LINGO2: variants seen among roughly 807,000 people sequenced by gnomAD.
The protein encoded by LINGO2 is leucine-rich repeat and immunoglobulin-like domain-containing nogo receptor-interacting protein 2.
In LINGO2, 14 loss-of-function variants were observed where a neutral mutation model predicts 30.6. The observed-to-expected ratio is 0.46, with a 90% CI of 0.30 to 0.72. LINGO2 has a LOEUF of 0.72. LINGO2 is among the 30% of genes least tolerant of loss of function. LINGO2 has a pLI of 0.07. For synonymous variants in LINGO2, 317 were observed against 288.5 expected, an observed-to-expected ratio of 1.10 and a Z score of -1.00; for missense variants, 729 against 751.7, an observed-to-expected ratio of 0.97 and a Z score of 0.35.
intron 1 of LINGO2, among the ~76,000 whole-genome samples, chr9:28,550,472 C>T (rs1435745360): frequency 1.3e-5 from 2 of 151,648 alleles, no homozygotes; most frequent in East Asian, 3.9e-4. Context: ...TCCAAGCATG[C>T]CTTCTTTTGT....
At chr9:28,124,289 T>G (rs1484587384) in intron 4 of LINGO2, among the ~76,000 whole-genome samples, 1 of 152,232 alleles carries the variant, frequency 6.6e-6, no homozygotes, top group African/African-American at 2.4e-5. Context: ...GAAGTTAACA[T>G]GTTAAAATCA....
the LINGO2 span, among the ~76,000 whole-genome samples, chr9:28,756,231 T>G: frequency 6.6e-6 from 1 of 152,154 alleles, no homozygotes; most frequent in Admixed American, 6.5e-5. Flanking sequence ...TTTGGAGCTG[T>G]AAGATTTAAT....
the LINGO2 span, among the ~76,000 whole-genome samples, chr9:28,797,351 T>TAG: frequency 7.6e-3 from 475 of 62,332 alleles, 1 homozygote; most frequent in African/African-American, 0.018. Context: ...TATATATATA[T>TAG]ATATATATAG....
chr9:28,837,579 A>G, the LINGO2 span, among the ~76,000 whole-genome samples: 1 of 147,456 alleles, frequency 6.8e-6, no homozygotes, highest in Non-Finnish European at 1.5e-5. Flanking sequence ...CCCAAGAGGC[A>G]GAGGTTGTGG....
In LINGO2 at chr9:28,590,572, G is replaced by T. The variant is rs540954574; in HGVS notation, c.-365+79628C>A. 3.3e-5 allele frequency among the ~76,000 whole-genome samples: 5 copies of T among 152,130 alleles called. No individual in the cohort carries two copies. The South Asian group carries it at 1.0e-3, about 32-fold the overall frequency. On this transcript the variant is annotated intron_variant, in intron 1 of 5. Coordinates refer to ENST00000379992, the Ensembl canonical transcript of LINGO2. ...ACATGAAAAAATGCTCATCATCACT[G>T]GCCATCAGAGAAATGCAAATCAAAA...
the LINGO2 span, among the ~76,000 whole-genome samples, chr9:29,146,790 T>C: frequency 2.6e-5 from 4 of 152,126 alleles, no homozygotes; most frequent in African/African-American, 9.7e-5. Context: ...AAAGACAAAG[T>C]GGCAGAAAAC....
chr9:29,139,709 A>C, the LINGO2 span, among the ~76,000 whole-genome samples: 1 of 152,156 alleles, frequency 6.6e-6, no homozygotes, highest in Non-Finnish European at 1.5e-5. Context: ...GTCAGAGTTC[A>C]TCCCCCTTCA....
At chr9:28,664,740 A>G (rs752160772) in intron 1 of LINGO2, among the ~76,000 whole-genome samples, 7 of 151,900 alleles carry the variant, frequency 4.6e-5, no homozygotes, top group Non-Finnish European at 7.4e-5. Flanking sequence ...TTTCTGCAGT[A>G]ATTATACAGA....
intron 2 of LINGO2, among the ~76,000 whole-genome samples, chr9:28,471,388 C>G (rs1825512987): frequency 6.6e-6 from 1 of 152,172 alleles, no homozygotes; most frequent in South Asian, 2.1e-4. Flanking sequence ...GGTAAATTAT[C>G]CAGTCACTTG....
At chr9:28,470,239 TA>T (rs1198563172) in intron 2 of LINGO2, among the ~76,000 whole-genome samples, 2 of 152,192 alleles carry the variant, frequency 1.3e-5, no homozygotes, top group Non-Finnish European at 2.9e-5. Flanking sequence ...GTTAAAGTTG[TA>T]AATTTGTTGT....
At chr9:29,163,498 T>C in the LINGO2 span, among the ~76,000 whole-genome samples, 1 of 152,200 alleles carries the variant, frequency 6.6e-6, no homozygotes, top group Non-Finnish European at 1.5e-5. Flanking sequence ...AACATGCTCA[T>C]GATTGATTCT....
chr9:27,977,394 A>G (rs181104354), intron 5 of LINGO2, among the ~76,000 whole-genome samples: 2 of 152,042 alleles, frequency 1.3e-5, no homozygotes, highest in South Asian at 2.1e-4. Flanking sequence ...AGGGCACTAA[A>G]GAGTGTGTGT....
At chr9:28,000,165 G>C (rs1050630095) in intron 5 of LINGO2, among the ~76,000 whole-genome samples, 1 of 152,152 alleles carries the variant, frequency 6.6e-6, no homozygotes, top group Non-Finnish European at 1.5e-5. Flanking sequence ...GCTCTATGGA[G>C]GGTATTGTAT....
chr9:27,992,260 T>C (rs16912220), intron 5 of LINGO2, among the ~76,000 whole-genome samples: 7,162 of 152,164 alleles, frequency 0.047, 547 homozygotes, highest in African/African-American at 0.16. Context: ...TTCTAATATT[T>C]GGATACTAAT....
Position 28,054,276 on chromosome 9 carries a change from G to T in LINGO2, c.-86-41871C>A, listed in dbSNP as rs116564143. 6.9e-3 allele frequency among the ~76,000 whole-genome samples: 1,057 copies of T among 152,182 alleles called. 21 individuals carry two copies. Among genetic ancestry groups the T allele is most frequent in the African/African-American group, 0.024 (988 of 41,546 alleles). ...CTCACCTTTTCACTTTTCTTACTCA[G>T]TTCAACCAGCAGGAGCTACAGCTGC... On this transcript the variant is annotated intron_variant, in intron 4 of 5. Transcript: ENST00000379992.
chr9:28,378,696 T>G (rs761121522), intron 2 of LINGO2, among the ~76,000 whole-genome samples: 1 of 152,156 alleles, frequency 6.6e-6, no homozygotes, highest in East Asian at 1.9e-4. Flanking sequence ...ACCTGGAAAC[T>G]TCAGAAAGGC....
chr9:28,574,422 A>T (rs75911176), intron 1 of LINGO2, among the ~76,000 whole-genome samples: 7,234 of 152,198 alleles, frequency 0.048, 190 homozygotes, highest in African/African-American at 0.068. Context: ...GTGTCATTCC[A>T]TCTTGTAAGA....
chr9:28,011,977 T>C (rs1035660037), intron 5 of LINGO2, among the ~76,000 whole-genome samples: 1 of 150,720 alleles, frequency 6.6e-6, no homozygotes, highest in Non-Finnish European at 1.5e-5. Flanking sequence ...GGGTCACTCT[T>C]ATAACCACAG....
At chr9:28,064,749 C>A (rs559579807) in intron 4 of LINGO2, among the ~76,000 whole-genome samples, 1 of 152,076 alleles carries the variant, frequency 6.6e-6, no homozygotes, top group East Asian at 1.9e-4. Flanking sequence ...GGGCTCACTT[C>A]CTAATTAACC....
Sources: gnomAD v4.1 joint callset for allele counts (sites outside exome capture counted in the v4.1 genomes callset) on GRCh38, gnomAD v4.1.1 for gene constraint, MANE v1.5 for transcripts, NCBI Gene and HGNC (gene_info 2026-07-23, HGNC 2026-07-21) for gene names.